The following DDAH1 variants were observed in gnomAD, a reference collection of about 807,000 sequenced individuals.
The protein encoded by DDAH1 is N(G),N(G)-dimethylarginine dimethylaminohydrolase 1.
A neutral mutation model predicts 28.8 loss-of-function variants in DDAH1; 19 were observed. That is an observed-to-expected ratio of 0.66 (90% CI 0.46 to 0.97). DDAH1 has a LOEUF of 0.97. DDAH1 is among the 50% of genes least tolerant of loss of function. The pLI, the probability that DDAH1 is intolerant of heterozygous loss-of-function variation, is 0.00. For missense variants in DDAH1, 326 were observed against 375.9 expected, an observed-to-expected ratio of 0.87 and a Z score of 1.10; for synonymous variants, 153 against 154.4, an observed-to-expected ratio of 0.99 and a Z score of 0.07.
chr1:85,432,717 T>C (rs577940184), intron 1 of DDAH1, among the ~76,000 whole-genome samples: 1 of 152,350 alleles, frequency 6.6e-6, no homozygotes, highest in South Asian at 2.1e-4. Context: ...CTCAGTTTAC[T>C]TGATGATTTG....
At position 85,344,369 on chromosome 1, in the gene DDAH1, A is replaced by G. The variant is rs1338729208; in HGVS notation, c.597+6046T>C. Reference sequence around the variant, plus strand: ...AAAAACAAAACAAGACAAAACAACAAAAAATTCCTCTCCCACGGGGTTAGG... The same window carrying G: ...AAAAACAAAACAAGACAAAACAACAGAAAATTCCTCTCCCACGGGGTTAGG... On this transcript the variant is annotated intron_variant, in intron 4 of 5. Coordinates refer to ENST00000284031, the MANE Select transcript of DDAH1 (RefSeq NM_012137.4). Among the ~76,000 whole-genome samples the G allele has an allele frequency of 2.0e-5, 3 of 152,198 alleles. No individual in the cohort carries two copies. The East Asian group carries it at 5.8e-4, about 29-fold the overall frequency.
At chr1:85,448,350 A>C (rs1405712009) in intron 1 of DDAH1, among the ~76,000 whole-genome samples, 1 of 152,182 alleles carries the variant, frequency 6.6e-6, no homozygotes, top group Non-Finnish European at 1.5e-5. Flanking sequence ...TAATTCTCTC[A>C]ATCATCTCTG....
intron 1 of DDAH1, among the ~76,000 whole-genome samples, chr1:85,369,385 A>G (rs976855549): frequency 6.6e-6 from 1 of 152,162 alleles, no homozygotes; most frequent in African/African-American, 2.4e-5. Context: ...AATGTTATAA[A>G]CAAGTATACG....
intron 1 of DDAH1, among the ~76,000 whole-genome samples, chr1:85,371,283 A>ACTTG (rs1398874338): frequency 6.6e-6 from 1 of 152,216 alleles, no homozygotes; most frequent in Non-Finnish European, 1.5e-5. Flanking sequence ...ACTTCTTGCC[A>ACTTG]CTTGCTTGTA....
At chr1:85,384,949 C>T (rs1391028131) in intron 1 of DDAH1, among the ~76,000 whole-genome samples, 2 of 152,140 alleles carry the variant, frequency 1.3e-5, no homozygotes, top group East Asian at 1.9e-4. Context: ...AACCTTAACT[C>T]TAATGGAACT....
chr1:85,322,170 G>A (rs991943363), intron 5 of DDAH1, among the ~76,000 whole-genome samples: 4 of 152,122 alleles, frequency 2.6e-5, no homozygotes, highest in Non-Finnish European at 4.4e-5. Context: ...TGATCATCCT[G>A]CCTTGGCCTT....
Position 85,495,121 on chromosome 1 carries a change from T to A in DDAH1, c.-7+1045A>T, listed in dbSNP as rs560973344. On this transcript the variant is annotated intron_variant, in intron 2 of 6. Coordinates refer to the DDAH1 transcript ENST00000426972. ...GTCTTCTGAACGTGTTAAGGCAAAT[T>A]TTCTGGATTACTTAGAGCAACAGAT... 6.6e-5 allele frequency: 10 copies of A among 152,062 alleles called. No homozygotes were observed. The South Asian group carries it at 1.5e-3, about 22-fold the overall frequency. The allele number at this position is 152,062 out of a possible 1,614,324, so 9.4% of individuals were successfully genotyped here.
chr1:85,351,882 C>T (rs1322322240), intron 2 of DDAH1, among the ~76,000 whole-genome samples: 11 of 152,180 alleles, frequency 7.2e-5, no homozygotes, highest in Admixed American at 7.2e-4. Flanking sequence ...TCTGGAGATG[C>T]CTGGTGGTGA....
chr1:85,479,153 G>GTTTT (rs1655901721), intron 2 of DDAH1, among the ~76,000 whole-genome samples: 2 of 124,198 alleles, frequency 1.6e-5, no homozygotes, highest in African/African-American at 6.0e-5. Context: ...CCTCCCTTCT[G>GTTTT]TTTTTCTTTT....
At chr1:85,440,670 T>A (rs549134487) in intron 1 of DDAH1, among the ~76,000 whole-genome samples, 1 of 152,304 alleles carries the variant, frequency 6.6e-6, no homozygotes, top group South Asian at 2.1e-4. Context: ...CTTCCTTAGA[T>A]AAAAGTCAGT....
chr1:85,435,186 C>T (rs1653878004), intron 1 of DDAH1: 1 of 152,092 alleles, frequency 6.6e-6, no homozygotes, highest in Non-Finnish European at 1.5e-5. Context: ...AAAGACTAGT[C>T]AAGTGCAATA....
intron 1 of DDAH1, among the ~76,000 whole-genome samples, chr1:85,527,184 C>T (rs1358475021): frequency 2.6e-5 from 4 of 152,202 alleles, no homozygotes; most frequent in Non-Finnish European, 4.4e-5. Flanking sequence ...CTAGGTGATT[C>T]TTCTTTACTG....
At chr1:85,328,624 C>T (rs139300238) in intron 4 of DDAH1, among the ~76,000 whole-genome samples, 7 of 152,292 alleles carry the variant, frequency 4.6e-5, no homozygotes, top group African/African-American at 1.7e-4. Flanking sequence ...ACCTAGTTTA[C>T]CCAAGAAGTT....
At chr1:85,519,384 T>C (rs1375944874) in intron 1 of DDAH1, among the ~76,000 whole-genome samples, 25 of 152,154 alleles carry the variant, frequency 1.6e-4, no homozygotes, top group Admixed American at 9.8e-4. Flanking sequence ...GATCATTGCA[T>C]TGGCTTAGGG....
chr1:85,502,025 A>C (rs1656839002), intron 1 of DDAH1, among the ~76,000 whole-genome samples: 1 of 152,174 alleles, frequency 6.6e-6, no homozygotes, highest in Admixed American at 6.5e-5. Flanking sequence ...TTAAAATCCA[A>C]ACTTTCTCCA....
intron 1 of DDAH1, 83 bp from the exon 2 acceptor site, chr1:85,358,930 C>A: frequency 2.0e-6 from 2 of 1,022,082 alleles, no homozygotes; most frequent in South Asian, 2.8e-5. Context: ...AACACTAAAT[C>A]AAGCTCTCGT....
intron 2 of DDAH1, among the ~76,000 whole-genome samples, chr1:85,476,484 C>T (rs1370917961): frequency 2.6e-5 from 4 of 152,030 alleles, no homozygotes; most frequent in Non-Finnish European, 4.4e-5. Context: ...TTCAGCCTGA[C>T]CCCCAGCTCA....
intron 2 of DDAH1, among the ~76,000 whole-genome samples, chr1:85,354,625 T>TA (rs1408187973): frequency 1.3e-5 from 2 of 152,128 alleles, no homozygotes; most frequent in Admixed American, 1.3e-4. Context: ...AGTTATGAGT[T>TA]AGTGTTCCAC....
chr1:85,391,658 A>G (rs909101371), intron 1 of DDAH1, among the ~76,000 whole-genome samples: 4 of 152,226 alleles, frequency 2.6e-5, no homozygotes, highest in African/African-American at 7.2e-5. Flanking sequence ...GAAAGCAGGG[A>G]AAAACTGCAA....
Sources: allele counts gnomAD v4.1 joint callset (sites outside exome capture counted in the v4.1 genomes callset), GRCh38; gene constraint gnomAD v4.1.1; transcripts MANE v1.5; gene names NCBI Gene and HGNC (gene_info 2026-07-23, HGNC 2026-07-21).